The following GCN1 variants were observed in gnomAD, a reference collection of about 807,000 sequenced individuals.
GCN1 encodes the protein stalled ribosome sensor GCN1.
Under a neutral mutation model 288.4 loss-of-function variants are expected in GCN1, and 90 were observed. The observed-to-expected ratio is 0.31, with a 90% CI of 0.26 to 0.37. The LOEUF is 0.37. GCN1 is among the 10% of genes least tolerant of loss of function. The pLI is 1.00. For synonymous variants in GCN1, 1,386 were observed against 1,420.2 expected (o/e 0.98, Z 0.54); for missense variants, 2,586 against 3,419.9 (o/e 0.76, Z 6.08).
Position 120,136,630 on chromosome 12 carries a change from T to C in GCN1, c.6880A>G (p.Thr2294Ala). The C allele has an allele frequency of 3.7e-6, 6 of 1,613,950 alleles. No homozygotes were observed. The highest frequency in any genetic ancestry group is 5.1e-6 in the Non-Finnish European group (6 of 1,179,982). Residue 2294 changes from threonine to alanine, a missense_variant, in exon 51 of 58, where the codon ACC becomes GCC. Physicochemically the swap from Thr to Ala is moderately conservative, Grantham distance 58. This residue lies in a region of GCN1 where 437 missense variants were observed against 570.5 expected (regional missense o/e 0.77). Coordinates refer to ENST00000300648, the MANE Select transcript of GCN1 (RefSeq NM_006836.2). ...AKALGLVIRL[T>A]SADALRPSVV... The stretch of plus-strand genomic sequence containing the variant: ...GAGGGCCTCAGGGCGTCAGCCGAGG[T>C]CAGGCGGATTACCAAGCCTAAGGCT...
chr12:120,172,838 T>C (rs1401881664), intron 14 of GCN1, among the ~76,000 whole-genome samples: 1 of 151,998 alleles, frequency 6.6e-6, no homozygotes, highest in East Asian at 1.9e-4. Context: ...AGTTCATAAG[T>C]TTAAATCTTT....
rs980126374 is a variant in GCN1 at position 120,170,103 on chromosome 12, A to C, written c.1519+66T>G. 5 of 1,416,488 alleles carry C rather than the reference A, an allele frequency of 3.5e-6. No individual in the cohort carries two copies. In the African/African-American group the frequency reaches 4.2e-5, roughly 12 times the overall value. 87.7% of individuals were successfully genotyped at this position (1,416,488 alleles called of 1,614,324 possible). On this transcript the variant is annotated intron_variant, in intron 15 of 57. Transcript: ENST00000300648. ...CCAAGCTAATCCTGAACATCAAGAC[A>C]CACCTCCCAAGGACTCTTGTCAGAG...
Position 120,136,704 on chromosome 12 carries a change from C to T in GCN1, c.6806G>A (p.Arg2269Gln). The T allele has an allele frequency of 1.9e-6, 3 of 1,613,522 alleles. No individual in the cohort carries two copies. Among genetic ancestry groups the T allele is most frequent in the Non-Finnish European group, 2.5e-6 (3 of 1,179,654 alleles). Residue 2269 changes from arginine to glutamine, a missense_variant, in exon 51 of 58, where the codon CGG (arginine) becomes CAG (glutamine). Coordinates refer to ENST00000300648, the MANE Select transcript of GCN1 (RefSeq NM_006836.2). ...KGVTSILPVLREGVLTGSPEQ... is the reference protein window; with the variant it reads ...KGVTSILPVLQEGVLTGSPEQ... ...AGGGCTGCCAGTCAGGACTCCTTCC[C>T]GCAACACTGGAAGGATGGAGGTCAC... is the stretch of plus-strand genomic sequence containing the variant.
intron 9 of GCN1, among the ~76,000 whole-genome samples, chr12:120,177,147 C>T (rs1343490323): frequency 1.3e-5 from 2 of 152,144 alleles, no homozygotes; most frequent in East Asian, 3.8e-4. Flanking sequence ...ACTGCAACTT[C>T]CACTTCCTGG....
Position 120,155,162 on chromosome 12 carries a change from C to A in GCN1, c.3630+79G>T. 6.5e-7 allele frequency: 1 copy of A among 1,539,382 alleles called. No individual in the cohort carries two copies. The highest frequency in any genetic ancestry group is 1.1e-5 in the South Asian group (1 of 89,214). ...CCACCGTGAGCCCCGAGATTCCTGT[C>A]TGGAGCAGTAGCGGGGTGAGCAGAG... On this transcript the variant is annotated intron_variant, in intron 30 of 57. Transcript: ENST00000300648. The surrounding 1 kb of genome is among the most constrained non-coding windows in gnomAD (Gnocchi z 4.9).
chr12:120,158,177 C>T lies in GCN1; in HGVS notation c.2906-147G>A, dbSNP rs199741333. Reference sequence around the variant, plus strand: ...GAAGCACATGGCACGAGGACAGAGACAGCAGCTGGTAGTCCAGTTCTAAAA... The same window carrying T: ...GAAGCACATGGCACGAGGACAGAGATAGCAGCTGGTAGTCCAGTTCTAAAA... On this transcript the variant is annotated intron_variant, in intron 25 of 57. Transcript: ENST00000300648. This position sits in a 1 kb window ranked among gnomAD's most constrained non-coding sequence, Gnocchi z 4.3. 4 of 756,050 alleles carry T rather than the reference C, an allele frequency of 5.3e-6. No homozygotes were observed. The highest frequency in any genetic ancestry group is 8.5e-6 in the Non-Finnish European group (4 of 471,986). 46.8% of individuals were successfully genotyped at this position (756,050 alleles called of 1,614,324 possible).
Position 120,142,932 on chromosome 12 carries a change from A to G in GCN1, c.5505T>C (p.Ser1835=). The change falls in exon 43 of 58, where the codon TCT becomes TCC. Residue 1835 remains serine (S), a synonymous_variant. Transcript: ENST00000300648. This position sits in a 1 kb window ranked among gnomAD's most constrained non-coding sequence, Gnocchi z 4.9. ...ACAGGAGATCCCCAAGGAGCTGAAC[A>G]GAGCTGAACCTGAGAAGGAGGCCAA... The part of the protein sequence containing the change: ...FDDLWRIRFS[S]VQLLGDLLFH... 1 of 1,609,328 alleles carries G rather than the reference A, an allele frequency of 6.2e-7. No homozygotes were observed. The highest frequency in any genetic ancestry group is 1.1e-5 in the South Asian group (1 of 91,028).
rs981660428 is a variant in GCN1 at position 120,153,608 on chromosome 12, A to C, written c.3867+136T>G. On this transcript the variant is annotated intron_variant, in intron 32 of 57. Coordinates refer to ENST00000300648, the MANE Select transcript of GCN1 (RefSeq NM_006836.2). The surrounding 1 kb of genome is among the most constrained non-coding windows in gnomAD (Gnocchi z 4.4). ...CACACTATCATGGTCTTTTTGGCTC[A>C]AAGTGCTCTGCCAGGACTCTTGGCA... is the stretch of plus-strand genomic sequence containing the variant. 46 of 948,780 alleles carry C rather than the reference A, an allele frequency of 4.8e-5. No homozygotes were observed. Among genetic ancestry groups the C allele is most frequent in the Admixed American group, 2.2e-4 (9 of 41,246 alleles). The allele number at this position is 948,780 out of a possible 1,614,324, so 58.8% of individuals were successfully genotyped here.
At chr12:120,181,746 G>A (rs1878670027) in intron 5 of GCN1, among the ~76,000 whole-genome samples, 1 of 151,078 alleles carries the variant, frequency 6.6e-6, no homozygotes, top group African/African-American at 2.4e-5. Context: ...GGCTGAGGCA[G>A]GAGAATCGCT....
In GCN1 at chr12:120,137,371, T is replaced by C. The variant is rs1271139255; in HGVS notation, c.6664-52A>G. 5 of 1,499,728 alleles carry C rather than the reference T, an allele frequency of 3.3e-6. No individual in the cohort carries two copies. The African/African-American group carries it at 4.1e-5, about 12-fold the overall frequency. 92.9% of individuals were successfully genotyped at this position (1,499,728 alleles called of 1,614,324 possible). On this transcript the variant is annotated intron_variant, in intron 49 of 57. Transcript: ENST00000300648. This position sits in a 1 kb window ranked among gnomAD's most constrained non-coding sequence, Gnocchi z 5.2. Reference sequence around the variant, plus strand: ...GGATGTACAGCCCTCTCAAGACTGCTTCCAAAGAATATATGGGGAAAGCGT... The same window carrying C: ...GGATGTACAGCCCTCTCAAGACTGCCTCCAAAGAATATATGGGGAAAGCGT...
intron 38 of GCN1, 57 bp from the exon 39 acceptor site, chr12:120,145,387 T>C: frequency 7.6e-7 from 1 of 1,320,594 alleles, no homozygotes. Flanking sequence ...TCTCCAGGCC[T>C]GTTCCACTGT....
rs536175743 is a variant in GCN1 at position 120,138,832 on chromosome 12, C to T, written c.6019G>A (p.Val2007Met). 7.4e-6 allele frequency: 12 copies of T among 1,612,992 alleles called. No homozygotes were observed. The highest frequency in any genetic ancestry group is 1.7e-5 in the Admixed American group (1 of 59,920). ...CACAAAGCCTTCCTTGCCGTGGGCA[C>T]GAGGGATTCAGAGAAATACAGCACC... ...DAVLYFSESL[V>M]PTARKALCDP... Residue 2007 changes from valine (V) to methionine (M), a missense_variant, in exon 46 of 58, where the codon GTG becomes ATG. Val to Met is a conservative substitution (Grantham distance 21, BLOSUM62 1). Coordinates refer to ENST00000300648, the MANE Select transcript of GCN1 (RefSeq NM_006836.2).
chr12:120,153,198 C>T lies in GCN1; in HGVS notation c.4062+15G>A, dbSNP rs764887318. ...CTCTAACCGACATGTGGGTCCCAGG[C>T]CAGATGGCAGGTACCTGCTGGGAGG... On this transcript the variant is annotated intron_variant, in intron 33 of 57. Coordinates refer to ENST00000300648, the MANE Select transcript of GCN1 (RefSeq NM_006836.2). This position sits in a 1 kb window ranked among gnomAD's most constrained non-coding sequence, Gnocchi z 4.4. 1.9e-6 allele frequency: 3 copies of T among 1,611,544 alleles called. No homozygotes were observed. In the East Asian group the frequency reaches 6.7e-5, roughly 36 times the overall value.
chr12:120,178,709 G>C lies in GCN1; in HGVS notation c.576C>G (p.Pro192=), dbSNP rs1878555437. The change falls in exon 7 of 58, where the codon CCC becomes CCG. Residue 192 remains proline (P), a synonymous_variant. Coordinates refer to ENST00000300648, the MANE Select transcript of GCN1 (RefSeq NM_006836.2). ...CCAGCATGCCAGCATAGTTCTGGTT[G>C]GGCTCTAGGCTGAGAATGGCTGACA... The part of the protein sequence containing the change: ...QYLSAILSLE[P]NQNYAGMLGL... 8.1e-6 allele frequency: 13 copies of C among 1,614,070 alleles called. No individual in the cohort carries two copies. Among genetic ancestry groups the C allele is most frequent in the Non-Finnish European group, 1.1e-5 (13 of 1,179,892 alleles).
At chr12:120,185,021 G>T in intron 2 of GCN1, 134 bp from the exon 3 acceptor site, 1 of 652,736 alleles carries the variant, frequency 1.5e-6, no homozygotes. Flanking sequence ...TCCCCAAGAG[G>T]AAAAAGCAAC....
intron 2 of GCN1, among the ~76,000 whole-genome samples, chr12:120,188,311 G>A (rs1348570224): frequency 6.6e-6 from 1 of 152,088 alleles, no homozygotes; most frequent in Non-Finnish European, 1.5e-5. Flanking sequence ...GCAGGTGCCT[G>A]TAATCCCAGC....
At chr12:120,151,006 G>T in intron 34 of GCN1, 139 bp downstream of exon 34, 1 of 890,390 alleles carries the variant, frequency 1.1e-6, no homozygotes, top group Non-Finnish European at 1.7e-6. Context: ...CAGCTGGACT[G>T]GGTCGCACAC....
At chr12:120,182,117 C>G (rs1594288390) in intron 5 of GCN1, among the ~76,000 whole-genome samples, 1 of 151,592 alleles carries the variant, frequency 6.6e-6, no homozygotes, top group Non-Finnish European at 1.5e-5. Flanking sequence ...CCACTGCATT[C>G]CAACCTGAGT....
chr12:120,188,568 A>G (rs1197166996), intron 2 of GCN1, among the ~76,000 whole-genome samples: 1 of 152,142 alleles, frequency 6.6e-6, no homozygotes, highest in African/African-American at 2.4e-5. Flanking sequence ...CAAGTCATAA[A>G]AAAAATGTTT....
Sources: gnomAD v4.1 joint callset for allele counts (sites outside exome capture counted in the v4.1 genomes callset) on GRCh38, gnomAD v4.1.1 for gene constraint, gnomAD v4.1.1 regional missense constraint, Gnocchi (gnomAD v3.1) non-coding constraint, MANE v1.5 for transcripts, NCBI Gene and HGNC (gene_info 2026-07-23, HGNC 2026-07-21) for gene names.